MKLN1: variants seen among roughly 807,000 people sequenced by gnomAD.
MKLN1 encodes the protein muskelin 1.
In MKLN1, 18 loss-of-function variants were observed where a neutral mutation model predicts 99.0. The ratio of observed to expected loss-of-function variants is 0.18; its 90% CI spans 0.13 to 0.27. The LOEUF is 0.27. Ranked by LOEUF, MKLN1 falls within the 10% of genes least tolerant of loss-of-function variation. The pLI is 1.00. For missense variants in MKLN1, 621 were observed against 875.9 expected, an observed-to-expected ratio of 0.71 and a Z score of 3.67; for synonymous variants, 288 against 293.2, an observed-to-expected ratio of 0.98 and a Z score of 0.18.
chr7:131,211,686 A>C (rs1377624552), intron 3 of MKLN1, among the ~76,000 whole-genome samples: 1 of 150,936 alleles, frequency 6.6e-6, no homozygotes, highest in Non-Finnish European at 1.5e-5. Context: ...TATGTTCTGC[A>C]CTCTCATGCT....
chr7:131,310,314 A>T (rs1267912313), intron 3 of MKLN1: 1 of 152,212 alleles, frequency 6.6e-6, no homozygotes, highest in Non-Finnish European at 1.5e-5. Context: ...CATTCTTCAG[A>T]TAAAAGTTCT....
At chr7:131,355,448 C>CAT (rs550586042) in intron 1 of MKLN1, among the ~76,000 whole-genome samples, 4 of 151,624 alleles carry the variant, frequency 2.6e-5, no homozygotes, top group East Asian at 3.9e-4. Flanking sequence ...CTTATACATA[C>CAT]ATATATATAT....
chr7:131,277,262 T>C (rs1797987745), intron 3 of MKLN1, among the ~76,000 whole-genome samples: 1 of 152,030 alleles, frequency 6.6e-6, no homozygotes, highest in South Asian at 2.1e-4. Flanking sequence ...TATTGTAAAC[T>C]ATAGTTTACA....
intron 2 of MKLN1, among the ~76,000 whole-genome samples, chr7:131,192,096 A>ACG (rs1317334152): frequency 0.013 from 1,041 of 81,432 alleles, 148 homozygotes; most frequent in African/African-American, 0.044. Context: ...TTATATATAT[A>ACG]TGTATATATA....
At chr7:131,443,748 A>C in intron 11 of MKLN1, 46 bp downstream of exon 11, 1 of 1,333,602 alleles carries the variant, frequency 7.5e-7, no homozygotes, top group Non-Finnish European at 1.1e-6. Context: ...TGTCATGTAT[A>C]TCTAGATAGG....
intron 11 of MKLN1, 139 bp downstream of exon 11, chr7:131,443,841 C>T (rs1795914548): frequency 1.5e-6 from 1 of 682,296 alleles, no homozygotes; most frequent in South Asian, 1.9e-5. Context: ...TAACAGTGAA[C>T]TGTTTGCTAA....
chr7:131,235,750 G>C (rs1419677907), intron 3 of MKLN1, among the ~76,000 whole-genome samples: 5 of 152,176 alleles, frequency 3.3e-5, no homozygotes, highest in Admixed American at 2.6e-4. Flanking sequence ...GAGGGAGAGA[G>C]AGCTGGTACA....
intron 2 of MKLN1, among the ~76,000 whole-genome samples, chr7:131,201,316 G>A (rs970851020): frequency 1.1e-4 from 16 of 152,068 alleles, no homozygotes; most frequent in Non-Finnish European, 2.1e-4. Context: ...CACCATGCCC[G>A]GCCCCACTTC....
At chr7:131,206,915 T>C (rs1042134502) in intron 3 of MKLN1, among the ~76,000 whole-genome samples, 10 of 152,152 alleles carry the variant, frequency 6.6e-5, no homozygotes, top group Non-Finnish European at 1.0e-4. Context: ...TAATGCATGA[T>C]TTAAAATGTT....
At chr7:131,184,867 C>G (rs1224623181) in intron 2 of MKLN1, among the ~76,000 whole-genome samples, 1 of 152,136 alleles carries the variant, frequency 6.6e-6, no homozygotes, top group Non-Finnish European at 1.5e-5. Flanking sequence ...GCCAGGTTCA[C>G]CAGTATTATG....
At chr7:131,248,582 G>T (rs1797531582) in intron 3 of MKLN1, among the ~76,000 whole-genome samples, 1 of 152,134 alleles carries the variant, frequency 6.6e-6, no homozygotes, top group Admixed American at 6.5e-5. Context: ...CCTTTGTGTT[G>T]CTCCGTCCTC....
intron 3 of MKLN1, among the ~76,000 whole-genome samples, chr7:131,234,284 T>C (rs1797285207): frequency 6.6e-6 from 1 of 152,148 alleles, no homozygotes; most frequent in South Asian, 2.1e-4. Context: ...CCGGCCTTTA[T>C]TTTCAAAAAA....
chr7:131,256,829 G>T (rs10254984), intron 3 of MKLN1, among the ~76,000 whole-genome samples: 14,839 of 152,074 alleles, frequency 0.098, 1,097 homozygotes, highest in South Asian at 0.35. Flanking sequence ...GGCTAAAAAG[G>T]GTTGAAAAAC....
chr7:131,199,026 A>G (rs1444059250), intron 2 of MKLN1, among the ~76,000 whole-genome samples: 1 of 152,080 alleles, frequency 6.6e-6, no homozygotes, highest in Non-Finnish European at 1.5e-5. Context: ...GAGGGGAACT[A>G]ATTAGAATTC....
intron 6 of MKLN1, among the ~76,000 whole-genome samples, chr7:131,407,064 CTGTTTAA>C (rs1794729604): frequency 6.6e-6 from 1 of 152,020 alleles, no homozygotes; most frequent in African/African-American, 2.4e-5. Context: ...CTGCACATTT[CTGTTTAA>C]TATTTTAAGC....
rs1199089979 is a variant in MKLN1 at position 131,242,665 on chromosome 7, T to C, written c.-179+39691T>C. 6.7e-6 allele frequency: 4 copies of C among 597,166 alleles called. No individual in the cohort carries two copies. The East Asian group carries it at 1.4e-4, about 20-fold the overall frequency. 37.0% of individuals were successfully genotyped at this position (597,166 alleles called of 1,614,324 possible). On this transcript the variant is annotated intron_variant, in intron 3 of 7. Coordinates refer to the MKLN1 transcript ENST00000416992. ...TGCTATTCTGGATGCAAAGCCATCA[T>C]CGTGAAGAACATTGATGATGGTACC...
intron 8 of MKLN1, among the ~76,000 whole-genome samples, chr7:131,424,624 C>T (rs1795303988): frequency 6.7e-6 from 1 of 149,864 alleles, no homozygotes; most frequent in East Asian, 2.0e-4. Flanking sequence ...TAGTCGGTAG[C>T]TCCAGGGTTT....
At chr7:131,358,253 A>G (rs1584645621) in intron 1 of MKLN1, among the ~76,000 whole-genome samples, 3 of 152,156 alleles carry the variant, frequency 2.0e-5, no homozygotes, top group Admixed American at 2.0e-4. Context: ...TTTAATCATG[A>G]ATATGTGTTG....
upstream of MKLN1, among the ~76,000 whole-genome samples, chr7:131,323,046 C>CCT (rs1359185675): frequency 7.2e-5 from 11 of 152,336 alleles, no homozygotes; most frequent in East Asian, 1.9e-3. Flanking sequence ...GACCATATCA[C>CCT]AGTGTCATTC....
Sources: allele counts gnomAD v4.1 joint callset (sites outside exome capture counted in the v4.1 genomes callset), GRCh38; gene constraint gnomAD v4.1.1; transcripts MANE v1.5; gene names NCBI Gene and HGNC (gene_info 2026-07-23, HGNC 2026-07-21).